Variants in CCBE1 observed in about 807,000 individuals in gnomAD.
CCBE1 encodes the protein collagen and calcium-binding EGF domain-containing protein 1.
CCBE1 carries 37 observed loss-of-function variants against 50.0 expected under a neutral mutation model. The ratio of observed to expected loss-of-function variants is 0.74; its 90% CI spans 0.57 to 0.97. The LOEUF is 0.97. CCBE1 is among the 50% of genes least tolerant of loss of function. The probability of loss-of-function intolerance (pLI) is 0.00; values close to 1 mark genes in which losing one functional copy is unlikely to be tolerated. For synonymous variants in CCBE1, 234 were observed against 203.7 expected, an observed-to-expected ratio of 1.15 and a Z score of -1.27; for missense variants, 538 against 523.8, an observed-to-expected ratio of 1.03 and a Z score of -0.26.
chr18:59,564,631 C>T lies in CCBE1; in HGVS notation c.213-84393G>A, dbSNP rs563280008. Among the ~76,000 whole-genome samples the T allele has an allele frequency of 1.3e-5, 2 of 152,304 alleles. 1 individual carries two copies. The highest frequency in any genetic ancestry group is 4.1e-4 in the South Asian group (2 of 4,824). On this transcript the variant is annotated intron_variant, in intron 2 of 10. Transcript: ENST00000439986. ...GATCTTACCAACTATTTTATGAAGT[C>T]TTTGGGATTCGTGTGAAACATCTAT...
At chr18:59,693,821 T>C (rs2144756040) in intron 2 of CCBE1, among the ~76,000 whole-genome samples, 1 of 151,722 alleles carries the variant, frequency 6.6e-6, no homozygotes, top group Admixed American at 6.6e-5. Context: ...ATTGTTTTAT[T>C]AGTGTTTCCT....
chr18:59,664,052 T>G (rs955117268), intron 2 of CCBE1, among the ~76,000 whole-genome samples: 10 of 152,170 alleles, frequency 6.6e-5, no homozygotes, highest in Non-Finnish European at 1.5e-4. Flanking sequence ...TCTCACAGTT[T>G]TGAAGACTGA....
intron 10 of CCBE1, 92 bp downstream of exon 10, chr18:59,438,019 G>A (rs550441048): frequency 5.3e-5 from 66 of 1,254,094 alleles, no homozygotes; most frequent in Middle Eastern, 2.1e-4. Context: ...AGGAAGGGGC[G>A]GGCTTTTGCT....
At chr18:59,523,076 G>C (rs1314565117) in intron 2 of CCBE1, among the ~76,000 whole-genome samples, 1 of 151,036 alleles carries the variant, frequency 6.6e-6, no homozygotes, top group African/African-American at 2.4e-5. Flanking sequence ...CTGTACTCCT[G>C]AACAGGACTT....
intron 2 of CCBE1, among the ~76,000 whole-genome samples, chr18:59,605,578 C>G (rs2053487265): frequency 6.6e-6 from 1 of 152,196 alleles, no homozygotes; most frequent in South Asian, 2.1e-4. Context: ...GTTCCTGGAT[C>G]ATCTCTCATA....
At chr18:59,582,809 G>A (rs1387197916) in intron 2 of CCBE1, among the ~76,000 whole-genome samples, 5 of 152,154 alleles carry the variant, frequency 3.3e-5, no homozygotes, top group African/African-American at 9.6e-5. Context: ...TCAAACTTTC[G>A]GAGACATGGT....
intron 3 of CCBE1, among the ~76,000 whole-genome samples, chr18:59,475,395 G>T (rs1031215493): frequency 2.0e-5 from 3 of 152,144 alleles, no homozygotes; most frequent in African/African-American, 7.2e-5. Context: ...TTAAGTTCTG[G>T]CATTATATCC....
chr18:59,600,960 G>A (rs895797490), intron 2 of CCBE1, among the ~76,000 whole-genome samples: 2 of 149,600 alleles, frequency 1.3e-5, no homozygotes, highest in Admixed American at 1.3e-4. Context: ...AGGGAAGAAG[G>A]GGCCCATTCT....
In CCBE1 at chr18:59,694,493, G is replaced by A. The variant is rs138694994; in HGVS notation, c.212+2136C>T. 1.3e-3 allele frequency among the ~76,000 whole-genome samples: 192 copies of A among 152,276 alleles called. 1 individual carries two copies. The highest frequency in any genetic ancestry group is 4.5e-3 in the African/African-American group (187 of 41,566). On this transcript the variant is annotated intron_variant, in intron 2 of 10. Coordinates refer to ENST00000439986, the MANE Select transcript of CCBE1 (RefSeq NM_133459.4). ...GATCTGTCTAAATAGGTCTGCATGC[G>A]TCCTGGGGATGAGGACACTGGTTTC...
chr18:59,449,438 A>G (rs1910826388), intron 6 of CCBE1, among the ~76,000 whole-genome samples: 1 of 151,748 alleles, frequency 6.6e-6, no homozygotes, highest in African/African-American at 2.4e-5. Context: ...CCTGGCCAAC[A>G]TGGTGGAACA....
At chr18:59,498,137 A>G (rs2143827775) in intron 2 of CCBE1, among the ~76,000 whole-genome samples, 1 of 152,028 alleles carries the variant, frequency 6.6e-6, no homozygotes, top group East Asian at 1.9e-4. Flanking sequence ...AGGTATCCCA[A>G]TTACCACTTC....
intron 2 of CCBE1, among the ~76,000 whole-genome samples, chr18:59,630,106 G>A (rs1197551967): frequency 6.6e-6 from 1 of 152,174 alleles, no homozygotes; most frequent in Non-Finnish European, 1.5e-5. Context: ...GCCCCCTGGG[G>A]ACCAGTAAAC....
intron 2 of CCBE1, among the ~76,000 whole-genome samples, chr18:59,597,394 A>T (rs1307931672): frequency 6.6e-6 from 1 of 152,248 alleles, no homozygotes; most frequent in Non-Finnish European, 1.5e-5. Flanking sequence ...GCAAGGAGGC[A>T]TTTAGAGAAT....
At chr18:59,510,479 T>C (rs2144294043) in intron 2 of CCBE1, among the ~76,000 whole-genome samples, 1 of 152,278 alleles carries the variant, frequency 6.6e-6, no homozygotes, top group African/African-American at 2.4e-5. Context: ...TGGAGGGCAA[T>C]GGCGTGATCT....
chr18:59,547,054 G>GGACAGAGGGGGA (rs1915718004), intron 2 of CCBE1, among the ~76,000 whole-genome samples: 1 of 98,578 alleles, frequency 1.0e-5, no homozygotes, highest in African/African-American at 4.2e-5. Flanking sequence ...GGAGAGAGGG[G>GGACAGAGGGGGA]GAGAGAGGGG....
rs116596858 is a variant in CCBE1, at chr18:59,466,751, G to A, written c.541C>T (p.Pro181Ser). 349 of 1,612,792 alleles carry A rather than the reference G, an allele frequency of 2.2e-4. 5 individuals carry two copies. The East Asian group carries it at 7.7e-3, about 36-fold the overall frequency. The part of the protein sequence containing the change: ...GKTCTRGDKY[P>S]NDTGHEKSEN... ...TTGCCCTACTTACCAGTGTCATTGG[G>A]ATATTTGTCTCCCCTGGTACATGTC... Residue 181 changes from proline to serine, a missense_variant, in exon 5 of 11, where the codon CCC becomes TCC. Coordinates refer to ENST00000439986, the MANE Select transcript of CCBE1 (RefSeq NM_133459.4).
chr18:59,617,013 C>T (rs1251909402), intron 2 of CCBE1, among the ~76,000 whole-genome samples: 1 of 152,174 alleles, frequency 6.6e-6, no homozygotes, highest in African/African-American at 2.4e-5. Flanking sequence ...ATCTAGTTAT[C>T]TAGGTTTCAT....
At position 59,435,785 on chromosome 18, in the gene CCBE1, CAGG is replaced by C. The variant is rs1910121933; in HGVS notation, c.*120_*122del. 4.5e-6 allele frequency: 4 copies of C among 890,434 alleles called. No homozygotes were observed. The highest frequency in any genetic ancestry group is 3.4e-5 in the Admixed American group (2 of 58,086). 55.2% of individuals were successfully genotyped at this position (890,434 alleles called of 1,614,324 possible). A position where few individuals can be genotyped will look rare whatever the true frequency, so the allele number is the denominator to read the frequency against. On this transcript the variant is annotated 3_prime_UTR_variant, in exon 11 of 11. Coordinates refer to ENST00000439986, the MANE Select transcript of CCBE1 (RefSeq NM_133459.4). ...TGGAAGAAGAGGAGTGGAGAGACGT[CAGG>C]AGAAGAGAAGAGAAAAATGTATGTT...
intron 2 of CCBE1, among the ~76,000 whole-genome samples, chr18:59,626,177 T>C (rs1212637191): frequency 1.3e-5 from 2 of 152,198 alleles, no homozygotes; most frequent in Non-Finnish European, 2.9e-5. Flanking sequence ...GTATCTATTT[T>C]GCTTTAAGCA....
Sources: allele counts gnomAD v4.1 joint callset (sites outside exome capture counted in the v4.1 genomes callset), GRCh38; gene constraint gnomAD v4.1.1; transcripts MANE v1.5; gene names NCBI Gene and HGNC (gene_info 2026-07-23, HGNC 2026-07-21).